The following CAP2 variants were observed in gnomAD, a reference collection of about 807,000 sequenced individuals.
The protein encoded by CAP2 is adenylyl cyclase-associated protein 2.
CAP2 carries 24 observed loss-of-function variants against 57.7 expected under a neutral mutation model. The observed-to-expected ratio is 0.42, with a 90% CI of 0.30 to 0.58. The LOEUF (loss-of-function observed/expected upper bound fraction) is 0.58, where lower values mean the gene tolerates loss of function less well. Ranked by LOEUF, CAP2 falls within the 20% of genes least tolerant of loss-of-function variation. The pLI is 0.22. For synonymous variants in CAP2, 194 were observed against 207.2 expected, an observed-to-expected ratio of 0.94 and a Z score of 0.55; for missense variants, 501 against 590.3, an observed-to-expected ratio of 0.85 and a Z score of 1.57.
chr6:17,470,397 CATT>C (rs1157534158), intron 4 of CAP2, among the ~76,000 whole-genome samples: 1 of 152,198 alleles, frequency 6.6e-6, no homozygotes. Context: ...TAGAAAAGTT[CATT>C]ATTAGTCAGT....
rs895191356 is a variant in CAP2 at position 17,422,106 on chromosome 6, C to T, written c.121+430C>T. Among the ~76,000 whole-genome samples the T allele has an allele frequency of 7.9e-5, 12 of 152,246 alleles. No homozygotes were observed. In the East Asian group the frequency reaches 1.4e-3, roughly 17 times the overall value. ...TCATTTAGTGTTCATACTGCTGTCC[C>T]GCACTCAATGACTAAATATGTTATC... On this transcript the variant is annotated intron_variant, in intron 2 of 12. Coordinates refer to ENST00000229922, the MANE Select transcript of CAP2 (RefSeq NM_006366.3).
Position 17,455,751 on chromosome 6 carries a change from G to T in CAP2, c.223-7245G>T, listed in dbSNP as rs565972531. ...GGGGTTTCACCATATTAGCCAGAAT[G>T]GTCTTGATCTCCTGACCTTGTGATC... is the stretch of plus-strand genomic sequence containing the variant. On this transcript the variant is annotated intron_variant, in intron 3 of 12. Coordinates refer to ENST00000229922, the MANE Select transcript of CAP2 (RefSeq NM_006366.3). 1.4e-3 allele frequency among the ~76,000 whole-genome samples: 220 copies of T among 152,216 alleles called. 1 individual carries two copies. Among genetic ancestry groups the T allele is most frequent in the Non-Finnish European group, 2.7e-3 (185 of 68,012 alleles).
At chr6:17,421,073 A>G (rs149924087) in intron 1 of CAP2, among the ~76,000 whole-genome samples, 35 of 152,344 alleles carry the variant, frequency 2.3e-4, no homozygotes, top group Non-Finnish European at 4.6e-4. Flanking sequence ...GAACAAAATA[A>G]TGTCATTTAC....
At chr6:17,484,963 G>A (rs1581559244) in intron 4 of CAP2, among the ~76,000 whole-genome samples, 1 of 152,174 alleles carries the variant, frequency 6.6e-6, no homozygotes, top group East Asian at 1.9e-4. Flanking sequence ...GGTAGAATAT[G>A]AAGATTCTCT....
intron 1 of CAP2, among the ~76,000 whole-genome samples, chr6:17,417,513 G>A (rs898367520): frequency 6.6e-5 from 10 of 151,946 alleles, no homozygotes; most frequent in East Asian, 3.9e-4. Context: ...GGGATCCAGC[G>A]ATCCACCCGC....
chr6:17,506,708 T>C (rs910418680), intron 4 of CAP2, among the ~76,000 whole-genome samples: 1 of 152,004 alleles, frequency 6.6e-6, no homozygotes, highest in African/African-American at 2.4e-5. Flanking sequence ...TTATGGCAAC[T>C]GTGGTGAAAC....
chr6:17,506,596 C>T lies in CAP2; in HGVS notation c.301-573C>T, dbSNP rs111820747. ...CGGAGGTCGCAGTGAGCCAATATCG[C>T]GCCACTGCACTCCAGCCTGGGACAG... On this transcript the variant is annotated intron_variant, in intron 4 of 12. Coordinates refer to ENST00000229922, the MANE Select transcript of CAP2 (RefSeq NM_006366.3). Among the ~76,000 whole-genome samples, 560 of 151,612 alleles carry T rather than the reference C, an allele frequency of 3.7e-3. 9 individuals carry two copies. The highest frequency in any genetic ancestry group is 0.013 in the African/African-American group (528 of 41,292).
At position 17,444,618 on chromosome 6, in the gene CAP2, C is replaced by T. The variant is rs190657153; in HGVS notation, c.222+17928C>T. 4.6e-3 allele frequency among the ~76,000 whole-genome samples: 583 copies of T among 127,454 alleles called. 15 individuals are homozygous for T. The Admixed American group carries it at 0.05, about 11-fold the overall frequency. The allele number at this position is 127,454 out of a possible 152,430, so 83.6% of individuals were successfully genotyped here. ...ATCGCGCCACTGCACTCCAGCCTGGCGACAGAGCAAGACTCTGTCTCAAAA... is the reference window on the plus strand; with the variant it reads ...ATCGCGCCACTGCACTCCAGCCTGGTGACAGAGCAAGACTCTGTCTCAAAA... On this transcript the variant is annotated intron_variant, in intron 3 of 12. Coordinates refer to ENST00000229922, the MANE Select transcript of CAP2 (RefSeq NM_006366.3).
intron 4 of CAP2, among the ~76,000 whole-genome samples, chr6:17,503,604 C>CAAA (rs763364878): frequency 3.8e-4 from 28 of 73,344 alleles, no homozygotes; most frequent in African/African-American, 1.2e-3. Context: ...AACTCTATCT[C>CAAA]AAAAAAAAAA....
chr6:17,532,416 C>T (rs754636271), intron 7 of CAP2, among the ~76,000 whole-genome samples: 1 of 146,652 alleles, frequency 6.8e-6, no homozygotes, highest in Non-Finnish European at 1.5e-5. Context: ...GCTGGGATTA[C>T]AGGCGTGAGC....
chr6:17,461,172 AAAAC>A (rs1161438601), intron 3 of CAP2, among the ~76,000 whole-genome samples: 1 of 142,324 alleles, frequency 7.0e-6, no homozygotes, highest in African/African-American at 3.1e-5. Context: ...CAAAAAAAGA[AAAAC>A]AAACAAAACA....
intron 3 of CAP2, among the ~76,000 whole-genome samples, chr6:17,457,688 T>G (rs1281003808): frequency 6.6e-6 from 1 of 152,200 alleles, no homozygotes; most frequent in Non-Finnish European, 1.5e-5. Flanking sequence ...CAACCTCAAC[T>G]TCTATTGTTC....
At chr6:17,455,894 C>T (rs1760554899) in intron 3 of CAP2, among the ~76,000 whole-genome samples, 1 of 152,176 alleles carries the variant, frequency 6.6e-6, no homozygotes, top group Non-Finnish European at 1.5e-5. Context: ...CTCTCTCTGC[C>T]TGTGCCCCTC....
intron 4 of CAP2, among the ~76,000 whole-genome samples, chr6:17,476,133 T>C (rs981189880): frequency 1.3e-5 from 2 of 152,238 alleles, no homozygotes; most frequent in Admixed American, 1.3e-4. Context: ...GGACAAACTA[T>C]ACATCATACA....
chr6:17,491,655 T>C (rs1026969878), intron 4 of CAP2, among the ~76,000 whole-genome samples: 2 of 152,172 alleles, frequency 1.3e-5, no homozygotes, highest in African/African-American at 2.4e-5. Flanking sequence ...TTGTTTTGCC[T>C]AAGAGTATTA....
At chr6:17,531,478 C>A in intron 7 of CAP2, 2 of 1,494,770 alleles carry the variant, frequency 1.3e-6, no homozygotes, top group Non-Finnish European at 1.8e-6. Flanking sequence ...GATAGTGCTT[C>A]GCTTTTTCAT....
intron 6 of CAP2, among the ~76,000 whole-genome samples, chr6:17,509,478 G>A (rs1197787716): frequency 6.6e-6 from 1 of 152,092 alleles, no homozygotes; most frequent in Non-Finnish European, 1.5e-5. Context: ...AGGAGTTCAT[G>A]ACCAGCCTGG....
chr6:17,452,588 A>G (rs1012840907), intron 3 of CAP2, among the ~76,000 whole-genome samples: 4 of 152,204 alleles, frequency 2.6e-5, no homozygotes, highest in Admixed American at 1.3e-4. Flanking sequence ...CTCCATCTCT[A>G]TGACACCTCC....
At chr6:17,517,072 C>T (rs746499361) in intron 7 of CAP2, among the ~76,000 whole-genome samples, 20 of 152,040 alleles carry the variant, frequency 1.3e-4, no homozygotes, top group Admixed American at 2.0e-4. Context: ...TATTTTTTAT[C>T]GATTTCCAAT....
Sources: gnomAD v4.1 joint callset for allele counts (sites outside exome capture counted in the v4.1 genomes callset) on GRCh38, gnomAD v4.1.1 for gene constraint, MANE v1.5 for transcripts, NCBI Gene and HGNC (gene_info 2026-07-23, HGNC 2026-07-21) for gene names.